Variants in SYT1 observed in about 807,000 individuals in gnomAD.
SYT1 encodes the protein synaptotagmin-1.
SYT1 carries 8 observed loss-of-function variants against 44.8 expected under a neutral mutation model. That is an observed-to-expected ratio of 0.18 (90% confidence interval 0.10 to 0.32). The LOEUF (loss-of-function observed/expected upper bound fraction) is 0.32. SYT1 is among the 10% of genes least tolerant of loss of function. The probability of loss-of-function intolerance (pLI) is 1.00; values close to 1 mark genes in which losing one functional copy is unlikely to be tolerated. For missense variants in SYT1, 286 were observed against 509.3 expected (o/e 0.56, Z 4.22); for synonymous variants, 154 against 188.8 (o/e 0.82, Z 1.51).
chr12:78,864,354 T>TAA (rs5799404), upstream of SYT1: 53 of 126,786 alleles, frequency 4.2e-4, no homozygotes, highest in Non-Finnish European at 2.7e-4. Flanking sequence ...TGATTGAGAG[T>TAA]AAAAAAAAAA....
At chr12:79,215,827 C>T (rs1224016785) in intron 3 of SYT1, among the ~76,000 whole-genome samples, 2 of 149,932 alleles carry the variant, frequency 1.3e-5, no homozygotes, top group African/African-American at 4.9e-5. Context: ...TAATAAGAAT[C>T]TTATGCATCT....
At chr12:79,275,536 T>C (rs894069123) in intron 4 of SYT1, among the ~76,000 whole-genome samples, 4 of 152,016 alleles carry the variant, frequency 2.6e-5, no homozygotes, top group African/African-American at 4.8e-5. Flanking sequence ...GATCTGAATA[T>C]AAAAAATCCT....
chr12:79,329,572 C>T (rs1881764912), intron 8 of SYT1, among the ~76,000 whole-genome samples: 1 of 152,166 alleles, frequency 6.6e-6, no homozygotes, highest in Non-Finnish European at 1.5e-5. Context: ...GTTCTGACCA[C>T]TTTATCTCAT....
At chr12:79,299,587 T>G in intron 8 of SYT1, 36 bp downstream of exon 8, 1 of 1,600,584 alleles carries the variant, frequency 6.2e-7, no homozygotes, top group South Asian at 1.1e-5. Flanking sequence ...CATCACAAGC[T>G]GTACTCGCCA....
intron 6 of SYT1, among the ~76,000 whole-genome samples, chr12:79,292,896 T>C (rs10861796): frequency 0.37 from 55,521 of 151,978 alleles, 10,416 homozygotes; most frequent in East Asian, 0.59. Context: ...GCTTTTCATT[T>C]GAAGACATTC....
At chr12:79,032,617 T>C (rs1872895201) in intron 2 of SYT1, among the ~76,000 whole-genome samples, 1 of 151,374 alleles carries the variant, frequency 6.6e-6, no homozygotes, top group African/African-American at 2.4e-5. Context: ...GATTTCATTA[T>C]GTTGACATTT....
At chr12:79,193,870 A>AT (rs1347959012) in intron 3 of SYT1, among the ~76,000 whole-genome samples, 2 of 152,056 alleles carry the variant, frequency 1.3e-5, no homozygotes, top group Admixed American at 6.6e-5. Context: ...GTATTGTTTT[A>AT]TTTTTTCTTA....
chr12:79,192,349 T>C (rs1424951869), intron 3 of SYT1, among the ~76,000 whole-genome samples: 3 of 152,082 alleles, frequency 2.0e-5, no homozygotes, highest in African/African-American at 7.2e-5. Flanking sequence ...ACAGTCTAGT[T>C]TATTTGTTGC....
chr12:79,195,978 CTCTTT>C (rs1873427293), intron 3 of SYT1, among the ~76,000 whole-genome samples: 1 of 152,150 alleles, frequency 6.6e-6, no homozygotes, highest in African/African-American at 2.4e-5. Flanking sequence ...ACTACAAATT[CTCTTT>C]ATTTCTTCAT....
intron 3 of SYT1, among the ~76,000 whole-genome samples, chr12:79,116,317 G>A (rs1879273219): frequency 6.6e-6 from 1 of 152,168 alleles, no homozygotes; most frequent in Non-Finnish European, 1.5e-5. Flanking sequence ...AAGACATTTA[G>A]GATTGGTATT....
intron 3 of SYT1, among the ~76,000 whole-genome samples, chr12:79,206,711 T>C (rs923439223): frequency 6.6e-6 from 1 of 152,228 alleles, no homozygotes; most frequent in South Asian, 2.1e-4. Flanking sequence ...ACAAAATTCA[T>C]TACTTCTGGC....
At chr12:79,177,153 G>A (rs1871936769) in intron 3 of SYT1, among the ~76,000 whole-genome samples, 1 of 110,904 alleles carries the variant, frequency 9.0e-6, no homozygotes, top group Non-Finnish European at 1.8e-5. Context: ...CCACTAACGT[G>A]TCATCTAGCA....
intron 3 of SYT1, among the ~76,000 whole-genome samples, chr12:79,053,934 C>A (rs1874735042): frequency 6.6e-6 from 1 of 151,864 alleles, no homozygotes; most frequent in Non-Finnish European, 1.5e-5. Context: ...ATCTGTGTTC[C>A]CACACATAAG....
intron 8 of SYT1, among the ~76,000 whole-genome samples, chr12:79,342,008 G>T (rs1193550015): frequency 6.6e-6 from 1 of 152,090 alleles, no homozygotes; most frequent in East Asian, 1.9e-4. Flanking sequence ...AAAAGGAACT[G>T]TTTATGTGAA....
chr12:79,278,874 C>T (rs1184280157), intron 4 of SYT1, among the ~76,000 whole-genome samples: 3 of 151,878 alleles, frequency 2.0e-5, no homozygotes. Flanking sequence ...TTACTCTGAA[C>T]ACCTCTAAGC....
intron 4 of SYT1, among the ~76,000 whole-genome samples, chr12:79,274,586 C>G (rs1191268877): frequency 6.6e-6 from 1 of 152,196 alleles, no homozygotes; most frequent in Non-Finnish European, 1.5e-5. Flanking sequence ...GCTCACCCAA[C>G]CCCCACACAG....
intron 3 of SYT1, among the ~76,000 whole-genome samples, chr12:79,103,847 A>G (rs1001366555): frequency 2.0e-5 from 3 of 152,148 alleles, no homozygotes; most frequent in African/African-American, 7.2e-5. Context: ...ATGCCAGAGG[A>G]TGGGGCTCTC....
At chr12:78,917,580 T>C (rs1367613184) in intron 1 of SYT1, among the ~76,000 whole-genome samples, 1 of 151,054 alleles carries the variant, frequency 6.6e-6, no homozygotes, top group Admixed American at 6.6e-5. Context: ...CTGCACGTTG[T>C]GCACATGTAC....
chr12:78,931,327 G>C (rs1386049411), intron 1 of SYT1, among the ~76,000 whole-genome samples: 1 of 23,332 alleles, frequency 4.3e-5, no homozygotes, highest in Non-Finnish European at 6.9e-5. Context: ...GAGGGAGGGA[G>C]GGAGGGAGGG....
Sources: gnomAD v4.1 joint callset for allele counts (sites outside exome capture counted in the v4.1 genomes callset) on GRCh38, gnomAD v4.1.1 for gene constraint, MANE v1.5 for transcripts, NCBI Gene and HGNC (gene_info 2026-07-23, HGNC 2026-07-21) for gene names.